Variants in NELL1 observed in about 807,000 individuals in gnomAD.
NELL1 encodes the protein protein kinase C-binding protein NELL1.
NELL1 carries 76 observed loss-of-function variants against 107.4 expected under a neutral mutation model. The observed-to-expected ratio is 0.71, with a 90% CI of 0.59 to 0.86. The LOEUF (loss-of-function observed/expected upper bound fraction) is 0.86, where lower values mean the gene tolerates loss of function less well. Ranked by LOEUF, NELL1 falls within the 40% of genes least tolerant of loss-of-function variation. NELL1 has a pLI of 0.00. For missense variants in NELL1, 1,024 were observed against 1,005.5 expected (o/e 1.02, Z -0.25); for synonymous variants, 353 against 341.2 (o/e 1.03, Z -0.38).
At chr11:21,507,310 A>C (rs558664402) in intron 15 of NELL1, among the ~76,000 whole-genome samples, 2 of 152,344 alleles carry the variant, frequency 1.3e-5, no homozygotes, top group Non-Finnish European at 2.9e-5. Flanking sequence ...CCTAAATACG[A>C]AAATAAGTGA....
At chr11:21,170,672 TA>T in intron 13 of NELL1, among the ~76,000 whole-genome samples, 1 of 143,718 alleles carries the variant, frequency 7.0e-6, no homozygotes, top group African/African-American at 2.7e-5. Flanking sequence ...TATACTGTAT[TA>T]TATATATACT....
intron 14 of NELL1, among the ~76,000 whole-genome samples, chr11:21,237,601 T>C (rs1485343980): frequency 1.3e-5 from 2 of 152,112 alleles, no homozygotes; most frequent in Non-Finnish European, 2.9e-5. Flanking sequence ...GAACAAATAT[T>C]GATTGTGTAC....
intron 13 of NELL1, among the ~76,000 whole-genome samples, chr11:21,125,269 G>T (rs1356346209): frequency 6.6e-6 from 1 of 152,152 alleles, no homozygotes; most frequent in African/African-American, 2.4e-5. Context: ...AGCAACCACT[G>T]AATGAGAATC....
chr11:21,242,336 G>A (rs1461241834), intron 14 of NELL1, among the ~76,000 whole-genome samples: 1 of 152,008 alleles, frequency 6.6e-6, no homozygotes, highest in Non-Finnish European at 1.5e-5. Context: ...TCAGAAGATG[G>A]GAAAAGAATA....
chr11:20,835,120 C>A (rs1277269786), intron 3 of NELL1, among the ~76,000 whole-genome samples: 1 of 152,210 alleles, frequency 6.6e-6, no homozygotes, highest in African/African-American at 2.4e-5. Flanking sequence ...TGAAGCACTT[C>A]TCTTACCCAT....
chr11:20,846,024 C>G (rs574508268), intron 3 of NELL1, among the ~76,000 whole-genome samples: 1 of 152,168 alleles, frequency 6.6e-6, no homozygotes, highest in Admixed American at 6.5e-5. Context: ...CTGGAGAATT[C>G]CCTTAAAATA....
chr11:21,497,865 G>A (rs1371386945), intron 15 of NELL1, among the ~76,000 whole-genome samples: 1 of 151,958 alleles, frequency 6.6e-6, no homozygotes, highest in Non-Finnish European at 1.5e-5. Context: ...GTTTATACCT[G>A]TGATATATTT....
intron 13 of NELL1, among the ~76,000 whole-genome samples, chr11:21,118,773 T>A (rs915808585): frequency 1.3e-5 from 2 of 152,062 alleles, no homozygotes; most frequent in African/African-American, 4.8e-5. Context: ...TTTATAACCA[T>A]GTCAAGGTCA....
At chr11:20,965,355 A>T (rs1030159942) in intron 12 of NELL1, among the ~76,000 whole-genome samples, 12 of 152,230 alleles carry the variant, frequency 7.9e-5, no homozygotes, top group Admixed American at 2.0e-4. Flanking sequence ...TATTACCATT[A>T]TTATTTACTT....
chr11:20,840,385 A>C (rs1248421089), intron 3 of NELL1, among the ~76,000 whole-genome samples: 1 of 152,184 alleles, frequency 6.6e-6, no homozygotes, highest in Non-Finnish European at 1.5e-5. Context: ...GTTTCTGTGG[A>C]TCAGGAATTT....
chr11:20,984,017 G>A (rs906364891), intron 12 of NELL1, among the ~76,000 whole-genome samples: 5 of 151,916 alleles, frequency 3.3e-5, no homozygotes, highest in African/African-American at 9.7e-5. Flanking sequence ...CTCCTTACTA[G>A]CTTCACTTAG....
chr11:21,511,723 A>C (rs992285908), intron 15 of NELL1, among the ~76,000 whole-genome samples: 1 of 152,204 alleles, frequency 6.6e-6, no homozygotes, highest in African/African-American at 2.4e-5. Context: ...AGGCTCATGC[A>C]AAGGCTCCAA....
At chr11:21,214,903 A>T (rs114500438) in intron 13 of NELL1, among the ~76,000 whole-genome samples, 1,606 of 152,328 alleles carry the variant, frequency 0.011, 18 homozygotes, top group Middle Eastern at 0.037. Context: ...TACATAATAC[A>T]TACATGCATA....
intron 15 of NELL1, among the ~76,000 whole-genome samples, chr11:21,381,904 A>ATTTGTTTTTTTTTTT (rs1851619279): frequency 1.1e-5 from 1 of 91,356 alleles, no homozygotes; most frequent in African/African-American, 4.5e-5. Context: ...CCTGGAAGGG[A>ATTTGTTTTTTTTTTT]TTTTTTTTTT....
intron 13 of NELL1, among the ~76,000 whole-genome samples, chr11:21,226,728 A>G (rs1857902729): frequency 6.6e-6 from 1 of 152,172 alleles, no homozygotes; most frequent in Non-Finnish European, 1.5e-5. Context: ...TTATGATATC[A>G]TTGCCTCCAA....
rs1854390127 is a variant in NELL1 at position 21,477,925 on chromosome 11, G to GTC, written c.1646-56449_1646-56448insTC. Among the ~76,000 whole-genome samples the GTC allele has an allele frequency of 1.2e-4, 18 of 148,672 alleles. 1 individual carries two copies. In the South Asian group the frequency reaches 3.6e-3, roughly 29 times the overall value. Reference sequence around the variant, plus strand: ...AAATTATAAGAAATTATAATAAAAAGAAGCAGAAATTCTGGAGTTGAAAAA... The same window carrying GTC: ...AAATTATAAGAAATTATAATAAAAAGTCAAGCAGAAATTCTGGAGTTGAAAAA... On this transcript the variant is annotated intron_variant, in intron 15 of 19. Coordinates refer to ENST00000357134, the MANE Select transcript of NELL1 (RefSeq NM_006157.5).
At chr11:21,156,938 C>T (rs375498376) in intron 13 of NELL1, among the ~76,000 whole-genome samples, 2 of 139,612 alleles carry the variant, frequency 1.4e-5, no homozygotes, top group African/African-American at 5.4e-5. Context: ...ACTAAAAATA[C>T]AAAAAAAAAA....
chr11:21,152,392 T>C (rs1160363371), intron 13 of NELL1, among the ~76,000 whole-genome samples: 1 of 152,198 alleles, frequency 6.6e-6, no homozygotes, highest in African/African-American at 2.4e-5. Flanking sequence ...TTGCTTAAAA[T>C]GAGGTGCATA....
chr11:21,083,447 G>C lies in NELL1; in HGVS notation c.1301-30142G>C, dbSNP rs140470153. Reference sequence around the variant, plus strand: ...CTTGCTCGAGGTCACACTGCTAGCTGTATTCCTTATGGTGCCAGTGTTAAC... The same window carrying C: ...CTTGCTCGAGGTCACACTGCTAGCTCTATTCCTTATGGTGCCAGTGTTAAC... On this transcript the variant is annotated intron_variant, in intron 12 of 19. Coordinates refer to ENST00000357134, the MANE Select transcript of NELL1 (RefSeq NM_006157.5). 2.0e-5 allele frequency among the ~76,000 whole-genome samples: 3 copies of C among 152,150 alleles called. No individual in the cohort carries two copies. The East Asian group carries it at 5.8e-4, about 29-fold the overall frequency.
Sources: gnomAD v4.1 joint callset for allele counts (sites outside exome capture counted in the v4.1 genomes callset) on GRCh38, gnomAD v4.1.1 for gene constraint, MANE v1.5 for transcripts, NCBI Gene and HGNC (gene_info 2026-07-23, HGNC 2026-07-21) for gene names.